The following SUSD1 variants were observed in gnomAD, a reference collection of about 807,000 sequenced individuals.
SUSD1 encodes the protein sushi domain-containing protein 1.
A neutral mutation model predicts 86.9 loss-of-function variants in SUSD1; 65 were observed. That is an observed-to-expected ratio of 0.75 (90% CI 0.61 to 0.92). SUSD1 has a LOEUF of 0.92. Ranked by LOEUF, SUSD1 falls within the 40% of genes least tolerant of loss-of-function variation. The pLI is 0.00. For synonymous variants in SUSD1, 346 were observed against 350.0 expected (o/e 0.99, Z 0.13); for missense variants, 850 against 929.7 (o/e 0.91, Z 1.11).
At chr9:112,070,725 A>C (rs1011210949) in intron 12 of SUSD1, among the ~76,000 whole-genome samples, 2 of 152,130 alleles carry the variant, frequency 1.3e-5, no homozygotes, top group Non-Finnish European at 2.9e-5. Context: ...TGCTCTGCAA[A>C]AAAAAATATT....
At chr9:112,149,794 G>A (rs1832966501) in intron 2 of SUSD1, among the ~76,000 whole-genome samples, 1 of 152,180 alleles carries the variant, frequency 6.6e-6, no homozygotes, top group Non-Finnish European at 1.5e-5. Context: ...AGGGTAGGGT[G>A]ACTTTACAGC....
rs982376744 is a variant in SUSD1, at chr9:112,157,631, T to C, written c.104-18A>G. The C allele has an allele frequency of 1.2e-6, 2 of 1,601,496 alleles. No homozygotes were observed. Among genetic ancestry groups the C allele is most frequent in the East Asian group, 2.2e-5 (1 of 44,806 alleles). ...GTCTAAACCTGAATCATAAATTGTATGTTTCAGAAAAAGAAAAATGCAAGA... is the reference window on the plus strand; with the variant it reads ...GTCTAAACCTGAATCATAAATTGTACGTTTCAGAAAAAGAAAAATGCAAGA... On this transcript the variant is annotated intron_variant, in intron 1 of 16. Coordinates refer to ENST00000374270, the MANE Select transcript of SUSD1 (RefSeq NM_022486.5).
Position 112,159,313 on chromosome 9 carries a change from C to G in SUSD1, c.104-1700G>C, listed in dbSNP as rs1294620353. 3.3e-5 allele frequency among the ~76,000 whole-genome samples: 5 copies of G among 152,150 alleles called. No individual in the cohort carries two copies. The East Asian group carries it at 5.8e-4, about 18-fold the overall frequency. ...TGGCTCCACTGTTACCCAGGTAAGA[C>G]AGCCTAGCCCTTAGGCTGCTCCAGG... On this transcript the variant is annotated intron_variant, in intron 1 of 16. Transcript: ENST00000374270.
chr9:112,116,989 A>C (rs984608481), intron 6 of SUSD1, among the ~76,000 whole-genome samples: 7 of 152,126 alleles, frequency 4.6e-5, no homozygotes, highest in Non-Finnish European at 7.4e-5. Flanking sequence ...AAAATAGAGA[A>C]ATTAGCCAGG....
intron 5 of SUSD1, among the ~76,000 whole-genome samples, chr9:112,134,397 C>A (rs1449273574): frequency 6.6e-6 from 1 of 152,162 alleles, no homozygotes; most frequent in East Asian, 1.9e-4. Flanking sequence ...AAAATAAAAT[C>A]ATGTCCTTTG....
At chr9:112,156,310 A>G (rs966509253) in intron 2 of SUSD1, among the ~76,000 whole-genome samples, 1 of 152,036 alleles carries the variant, frequency 6.6e-6, no homozygotes, top group Non-Finnish European at 1.5e-5. Flanking sequence ...AAAAATACGA[A>G]AATTAGCTGG....
chr9:112,075,260 C>T (rs1239050472), intron 12 of SUSD1, among the ~76,000 whole-genome samples: 1 of 152,180 alleles, frequency 6.6e-6, no homozygotes, highest in Non-Finnish European at 1.5e-5. Context: ...CTCCTCAACA[C>T]CAATACCACC....
At chr9:112,119,471 C>A (rs1831463681) in intron 6 of SUSD1, among the ~76,000 whole-genome samples, 1 of 152,296 alleles carries the variant, frequency 6.6e-6, no homozygotes, top group East Asian at 1.9e-4. Context: ...CAGAGCAGTG[C>A]CCAGAGCAGT....
At position 112,095,054 on chromosome 9, in the gene SUSD1, A is replaced by C. The variant is rs115115147; in HGVS notation, c.1474+3416T>G. Among the ~76,000 whole-genome samples the C allele has an allele frequency of 3.2e-3, 492 of 152,318 alleles. 3 individuals are homozygous for C. Among genetic ancestry groups the C allele is most frequent in the African/African-American group, 0.011 (458 of 41,568 alleles). On this transcript the variant is annotated intron_variant, in intron 10 of 16. Transcript: ENST00000374270. Reference sequence around the variant, plus strand: ...AAAGCCCAGGCCTGGGTTTAGGCCGAACTGAATAGAAAGAAATGCCTCCTA... The same window carrying C: ...AAAGCCCAGGCCTGGGTTTAGGCCGCACTGAATAGAAAGAAATGCCTCCTA...
At chr9:112,106,900 A>C (rs1452680819) in intron 8 of SUSD1, among the ~76,000 whole-genome samples, 1 of 151,560 alleles carries the variant, frequency 6.6e-6, no homozygotes, top group East Asian at 1.9e-4. Context: ...AATCTATACT[A>C]TCTGACTCAC....
At chr9:112,127,949 T>C (rs1326252445) in intron 5 of SUSD1, among the ~76,000 whole-genome samples, 1 of 152,064 alleles carries the variant, frequency 6.6e-6, no homozygotes, top group Non-Finnish European at 1.5e-5. Context: ...ACCACAGGCA[T>C]GTACCACCAT....
chr9:112,137,466 T>C (rs1239319515), intron 5 of SUSD1, among the ~76,000 whole-genome samples: 1 of 152,246 alleles, frequency 6.6e-6, no homozygotes, highest in Non-Finnish European at 1.5e-5. Context: ...AATGGTTTTA[T>C]ATGGGGTTTC....
intron 10 of SUSD1, 116 bp downstream of exon 10, chr9:112,098,354 G>A: frequency 9.5e-7 from 1 of 1,050,766 alleles, no homozygotes; most frequent in Non-Finnish European, 1.4e-6. Context: ...AAGTTTGTTA[G>A]AACTGGAACC....
At chr9:112,161,843 A>T (rs1833585418) in intron 1 of SUSD1, among the ~76,000 whole-genome samples, 1 of 151,672 alleles carries the variant, frequency 6.6e-6, no homozygotes, top group Admixed American at 6.6e-5. Flanking sequence ...AAAAAAATGC[A>T]ATCTTATTAA....
intron 1 of SUSD1, among the ~76,000 whole-genome samples, chr9:112,161,136 G>C (rs1196671911): frequency 6.6e-6 from 1 of 152,126 alleles, no homozygotes; most frequent in Non-Finnish European, 1.5e-5. Flanking sequence ...CCAGCACTTT[G>C]GGAGGCTGAG....
Position 112,041,924 on chromosome 9 carries a change from C to A in SUSD1, c.2186G>T (p.Gly729Val). The A allele has an allele frequency of 6.2e-7, 1 of 1,614,068 alleles. No homozygotes were observed. The highest frequency in any genetic ancestry group is 8.5e-7 in the Non-Finnish European group (1 of 1,179,972). ...GATCACAACAGCCAGGGAACCCAGT[C>A]CAACACCCGCCATCTGCAGCAGCAT... ...SLMLLQMAGVGLGSLAVVIIL... is the reference protein window; with the variant it reads ...SLMLLQMAGVVLGSLAVVIIL... The change falls in exon 16 of 17, where the codon GGA (glycine) becomes GTA (valine). Residue 729 changes from glycine to valine, a missense_variant. By Grantham distance (109) the Gly-to-Val change is moderately radical. Transcript: ENST00000374270.
chr9:112,060,711 AG>A (rs1828682842), intron 13 of SUSD1, among the ~76,000 whole-genome samples: 1 of 152,264 alleles, frequency 6.6e-6, no homozygotes, highest in Admixed American at 6.5e-5. Flanking sequence ...ACATTTATTA[AG>A]CATCCACTGC....
At chr9:112,142,651 C>T (rs1335608826) in intron 4 of SUSD1, 152 bp from the exon 5 acceptor site, 6 of 666,736 alleles carry the variant, frequency 9.0e-6, no homozygotes, top group Admixed American at 3.4e-5. Flanking sequence ...CTTCTGGGAA[C>T]ATTTCCAACA....
At chr9:112,083,181 C>G (rs555288467) in intron 10 of SUSD1, among the ~76,000 whole-genome samples, 7 of 152,216 alleles carry the variant, frequency 4.6e-5, no homozygotes, top group African/African-American at 1.4e-4. Flanking sequence ...CTTCAAATAC[C>G]TAGAAATAAA....
Sources: gnomAD v4.1 joint callset for allele counts (sites outside exome capture counted in the v4.1 genomes callset) on GRCh38, gnomAD v4.1.1 for gene constraint, MANE v1.5 for transcripts, NCBI Gene and HGNC (gene_info 2026-07-23, HGNC 2026-07-21) for gene names.